The following DCAF8L2 variants were observed in gnomAD, a reference collection of about 807,000 sequenced individuals.
The protein encoded by DCAF8L2 is DDB1 and CUL4 associated factor 8 like 2.
For synonymous variants in DCAF8L2, 200 were observed against 190.9 expected, an observed-to-expected ratio of 1.05 and a Z score of -0.39; for missense variants, 430 against 490.7, an observed-to-expected ratio of 0.88 and a Z score of 1.17.
chrX:27,690,109 A>C (rs1368348402), intron 3 of DCAF8L2, among the ~76,000 whole-genome samples: 3 of 111,545 alleles, frequency 2.7e-5, no homozygotes, highest in South Asian at 3.7e-4. Flanking sequence ...GGACTAAATC[A>C]TGACAGAAAA....
chrX:27,546,490 G>A, the DCAF8L2 span, among the ~76,000 whole-genome samples: 4 of 112,050 alleles, frequency 3.6e-5, no homozygotes, highest in South Asian at 3.7e-4. Context: ...ACTCTGTGTG[G>A]GGGCTCTAAC....
chrX:27,659,652 G>A (rs1056999817), intron 2 of DCAF8L2, among the ~76,000 whole-genome samples: 2 of 110,567 alleles, frequency 1.8e-5, no homozygotes, highest in Non-Finnish European at 3.8e-5. Context: ...GTCTAACTGG[G>A]TTATTTCAAA....
the DCAF8L2 span, among the ~76,000 whole-genome samples, chrX:27,531,642 A>G: frequency 8.9e-6 from 1 of 112,158 alleles, no homozygotes; most frequent in Admixed American, 9.5e-5. Context: ...AATAGAGAAC[A>G]TTATACCCAC....
At chrX:27,484,418 A>G in the DCAF8L2 span, among the ~76,000 whole-genome samples, 1 of 111,416 alleles carries the variant, frequency 9.0e-6, no homozygotes, top group Non-Finnish European at 1.9e-5. Flanking sequence ...AAAAGTTGTA[A>G]AATTTTTAGT....
At chrX:27,547,527 C>G in the DCAF8L2 span, among the ~76,000 whole-genome samples, 1 of 111,878 alleles carries the variant, frequency 8.9e-6, no homozygotes, top group East Asian at 2.8e-4. Flanking sequence ...CTGGAGAGGC[C>G]TCAGGAAACT....
chrX:27,598,944 C>T (rs1926492536), intron 1 of DCAF8L2, among the ~76,000 whole-genome samples: 1 of 79,453 alleles, frequency 1.3e-5, no homozygotes, highest in Non-Finnish European at 2.3e-5. Flanking sequence ...CTATGGAAAA[C>T]GATAGGAAAG....
chrX:27,506,247 T>C, the DCAF8L2 span, among the ~76,000 whole-genome samples: 1 of 111,854 alleles, frequency 8.9e-6, no homozygotes, highest in Non-Finnish European at 1.9e-5. Flanking sequence ...AATGAGAACA[T>C]ACCCATGTTA....
intron 2 of DCAF8L2, among the ~76,000 whole-genome samples, chrX:27,641,476 T>A (rs1928719379): frequency 9.9e-6 from 1 of 101,180 alleles, no homozygotes; most frequent in Non-Finnish European, 2.0e-5. Context: ...TACTTTTCTT[T>A]TTTTTTTTTT....
At chrX:27,668,728 G>A (rs192628287) in intron 2 of DCAF8L2, among the ~76,000 whole-genome samples, 1,198 of 111,614 alleles carry the variant, frequency 0.011, 15 homozygotes, top group African/African-American at 0.037. Context: ...CGAGGCAGGC[G>A]GATTACCTGA....
the DCAF8L2 span, among the ~76,000 whole-genome samples, chrX:27,506,122 C>T: frequency 1.3e-4 from 14 of 111,170 alleles, no homozygotes; most frequent in East Asian, 2.8e-4. Flanking sequence ...GATCAATATT[C>T]GAATAAACAG....
intron 4 of DCAF8L2, among the ~76,000 whole-genome samples, chrX:27,735,852 G>A (rs73628826): frequency 0.018 from 1,939 of 110,110 alleles, 43 homozygotes; most frequent in African/African-American, 0.061. Flanking sequence ...TAATAGAATC[G>A]GAAATTTAGG....
chrX:27,658,865 G>A (rs978844330), intron 2 of DCAF8L2, among the ~76,000 whole-genome samples: 36 of 106,002 alleles, frequency 3.4e-4, no homozygotes, highest in Non-Finnish European at 3.8e-4. Context: ...TATTACAAAA[G>A]TATTTAGAAA....
At position 27,669,010 on chromosome X, in the gene DCAF8L2, A is replaced by C. The variant is rs763038036; in HGVS notation, c.-219-8826A>C. ...CATAGGTACTGGCTGATAAGAGTGA[A>C]GAGCTCACTGGAAAGACATGTGCAC... On this transcript the variant is annotated intron_variant, in intron 2 of 4. Transcript: ENST00000451261. Among the ~76,000 whole-genome samples the C allele has an allele frequency of 9.7e-4, 108 of 111,201 alleles. 1 individual carries two copies. The highest frequency in any genetic ancestry group is 3.3e-3 in the African/African-American group (101 of 30,627).
intron 3 of DCAF8L2, among the ~76,000 whole-genome samples, chrX:27,691,346 T>C (rs760888643): frequency 2.7e-5 from 3 of 111,651 alleles, no homozygotes; most frequent in South Asian, 7.4e-4. Context: ...TAAACACTTA[T>C]ATGGCAAATT....
At chrX:27,745,461 T>G (rs1286307283) in intron 4 of DCAF8L2, among the ~76,000 whole-genome samples, 1 of 112,397 alleles carries the variant, frequency 8.9e-6, no homozygotes, top group Non-Finnish European at 1.9e-5. Context: ...TCTAGTCTAG[T>G]CATTCTCACT....
At chrX:27,736,421 A>G (rs1285695979) in intron 4 of DCAF8L2, among the ~76,000 whole-genome samples, 2 of 111,940 alleles carry the variant, frequency 1.8e-5, no homozygotes, top group Admixed American at 1.9e-4. Flanking sequence ...CTCTGTACAC[A>G]TTACCAAAAG....
intron 2 of DCAF8L2, among the ~76,000 whole-genome samples, chrX:27,660,109 G>A (rs1405933510): frequency 9.0e-6 from 1 of 111,335 alleles, no homozygotes; most frequent in African/African-American, 3.3e-5. Flanking sequence ...TGCAACCTCC[G>A]CCTCCTGGGT....
the DCAF8L2 span, among the ~76,000 whole-genome samples, chrX:27,474,254 A>G: frequency 8.9e-6 from 1 of 112,406 alleles, no homozygotes; most frequent in African/African-American, 3.2e-5. Flanking sequence ...AAGTGCAATG[A>G]TATATATTTA....
At chrX:27,631,756 T>C (rs1424960929) in intron 1 of DCAF8L2, 123 bp from the exon 2 acceptor site, 1 of 112,329 alleles carries the variant, frequency 8.9e-6, no homozygotes. Context: ...ACAGTGGTTA[T>C]AGTCAAATTT....
Sources: allele counts gnomAD v4.1 joint callset (sites outside exome capture counted in the v4.1 genomes callset), GRCh38; gene constraint gnomAD v4.1.1; transcripts MANE v1.5; gene names NCBI Gene and HGNC (gene_info 2026-07-23, HGNC 2026-07-21).